LRGUK: variants seen among roughly 807,000 people sequenced by gnomAD.
The protein encoded by LRGUK is leucine rich repeats and guanylate kinase domain containing.
In LRGUK, 65 loss-of-function variants were observed where a neutral mutation model predicts 76.0. The ratio of observed to expected loss-of-function variants is 0.85; its 90% CI spans 0.70 to 1.05. The LOEUF is 1.05. Ranked by LOEUF, LRGUK falls within the 50% of genes least tolerant of loss-of-function variation. The pLI, the probability that LRGUK is intolerant of heterozygous loss-of-function variation, is 0.00. For synonymous variants in LRGUK, 268 were observed against 265.6 expected, an observed-to-expected ratio of 1.01 and a Z score of -0.09; for missense variants, 758 against 732.8, an observed-to-expected ratio of 1.03 and a Z score of -0.40.
intron 7 of LRGUK, among the ~76,000 whole-genome samples, chr7:134,170,399 A>G (rs1026826320): frequency 2.0e-5 from 3 of 152,026 alleles, no homozygotes; most frequent in Non-Finnish European, 4.4e-5. Context: ...CTCTTAATCC[A>G]TAATTTATTT....
chr7:134,211,594 C>A (rs1435125205), downstream of LRGUK, among the ~76,000 whole-genome samples: 1 of 152,218 alleles, frequency 6.6e-6, no homozygotes, highest in Non-Finnish European at 1.5e-5. Context: ...CTGAAACTTA[C>A]TTTTGCTTGA....
intron 18 of LRGUK, among the ~76,000 whole-genome samples, chr7:134,252,546 C>T (rs944763901): frequency 7.9e-5 from 12 of 152,174 alleles, no homozygotes; most frequent in Admixed American, 3.9e-4. Context: ...AAGCAGAATC[C>T]TTAGGGTGCA....
intron 1 of LRGUK, among the ~76,000 whole-genome samples, chr7:134,128,209 T>C (rs1429164910): frequency 2.0e-5 from 3 of 152,126 alleles, no homozygotes; most frequent in African/African-American, 7.2e-5. Flanking sequence ...ATATGCCTTA[T>C]ACAAGCAACA....
At chr7:134,183,230 A>G (rs1483257843) in intron 10 of LRGUK, among the ~76,000 whole-genome samples, 5 of 152,226 alleles carry the variant, frequency 3.3e-5, no homozygotes, top group African/African-American at 9.6e-5. Flanking sequence ...AAACATCTTC[A>G]TTAGCTTCTT....
intron 16 of LRGUK, among the ~76,000 whole-genome samples, chr7:134,228,493 G>T (rs1475131113): frequency 6.6e-6 from 1 of 152,078 alleles, no homozygotes; most frequent in African/African-American, 2.4e-5. Context: ...AACAGCAATG[G>T]CTTTAACAAT....
chr7:134,182,362 G>C (rs1799792109), intron 10 of LRGUK, among the ~76,000 whole-genome samples: 1 of 152,084 alleles, frequency 6.6e-6, no homozygotes, highest in Admixed American at 6.6e-5. Flanking sequence ...GCCTGCTCTT[G>C]GCAGGTACCC....
At chr7:134,169,164 A>G (rs1184137948) in intron 7 of LRGUK, among the ~76,000 whole-genome samples, 1 of 150,322 alleles carries the variant, frequency 6.7e-6, no homozygotes, top group Non-Finnish European at 1.5e-5. Flanking sequence ...ACACACACAC[A>G]CACACACACA....
chr7:134,188,396 G>C (rs910357514), intron 11 of LRGUK, among the ~76,000 whole-genome samples: 24 of 152,144 alleles, frequency 1.6e-4, no homozygotes, highest in African/African-American at 5.8e-4. Context: ...TTCTAAACAG[G>C]GAGGGGAATG....
intron 16 of LRGUK, among the ~76,000 whole-genome samples, chr7:134,246,595 G>T (rs1288104446): frequency 6.6e-6 from 1 of 152,180 alleles, no homozygotes; most frequent in Non-Finnish European, 1.5e-5. Context: ...ATGCTTGTTT[G>T]TTATTTCTTG....
chr7:134,201,647 A>G, intron 15 of LRGUK, 71 bp downstream of exon 15: 1 of 1,094,932 alleles, frequency 9.1e-7, no homozygotes. Flanking sequence ...CTGAGTTGCT[A>G]TTTGGGTACT....
chr7:134,129,308 T>C (rs1160213162), intron 1 of LRGUK, among the ~76,000 whole-genome samples: 1 of 125,760 alleles, frequency 8.0e-6, no homozygotes, highest in Non-Finnish European at 1.7e-5. Flanking sequence ...TTTCTTTCTT[T>C]CCTTCTTTCT....
intron 16 of LRGUK, among the ~76,000 whole-genome samples, chr7:134,245,224 TAAA>T (rs1271412159): frequency 6.6e-6 from 1 of 152,084 alleles, no homozygotes; most frequent in Non-Finnish European, 1.5e-5. Context: ...AATAAATAAA[TAAA>T]AAGTTCCTAT....
intron 3 of LRGUK, among the ~76,000 whole-genome samples, chr7:134,140,258 C>T (rs1797715331): frequency 6.6e-6 from 1 of 152,322 alleles, no homozygotes; most frequent in African/African-American, 2.4e-5. Flanking sequence ...GTGTGAGCCA[C>T]TGTGCCCGGG....
chr7:134,207,538 C>T (rs528521965), intron 15 of LRGUK, among the ~76,000 whole-genome samples: 6 of 152,278 alleles, frequency 3.9e-5, no homozygotes, highest in African/African-American at 1.4e-4. Flanking sequence ...CCACCTGTCC[C>T]GCCCTCTCCC....
At chr7:134,224,247 A>G (rs1381021868) in intron 16 of LRGUK, among the ~76,000 whole-genome samples, 1 of 152,146 alleles carries the variant, frequency 6.6e-6, no homozygotes, top group Non-Finnish European at 1.5e-5. Flanking sequence ...TGGTGATAAG[A>G]CTGCACCCTG....
intron 16 of LRGUK, among the ~76,000 whole-genome samples, chr7:134,246,726 G>A (rs1716599512): frequency 6.6e-6 from 1 of 152,200 alleles, no homozygotes; most frequent in African/African-American, 2.4e-5. Flanking sequence ...AAAGATTAAT[G>A]TATTTTAAGT....
intron 12 of LRGUK, among the ~76,000 whole-genome samples, chr7:134,192,034 G>C (rs1257323994): frequency 6.6e-6 from 1 of 152,086 alleles, no homozygotes; most frequent in South Asian, 2.1e-4. Flanking sequence ...AAATTCTTGT[G>C]ATCTGTGCTT....
At chr7:134,264,706 T>C (rs1366069572), downstream of LRGUK, 1 of 152,202 alleles carries the variant, frequency 6.6e-6, no homozygotes, top group Non-Finnish European at 1.5e-5. Context: ...AAAACCTCCA[T>C]TGAGCAGTTA....
chr7:134,144,097 A>G (rs4142397), intron 4 of LRGUK, among the ~76,000 whole-genome samples: 19,761 of 152,184 alleles, frequency 0.13, 1,632 homozygotes, highest in East Asian at 0.32. Flanking sequence ...TCTTATTTTC[A>G]GAGACAAGTT....
Sources: gnomAD v4.1 joint callset for allele counts (sites outside exome capture counted in the v4.1 genomes callset) on GRCh38, gnomAD v4.1.1 for gene constraint, MANE v1.5 for transcripts, NCBI Gene and HGNC (gene_info 2026-07-23, HGNC 2026-07-21) for gene names.